The following SMYD4 variants were observed in gnomAD, a reference collection of about 807,000 sequenced individuals.
SMYD4 encodes the protein SET and MYND domain containing 4.
A neutral mutation model predicts 72.8 loss-of-function variants in SMYD4; 68 were observed. That is an observed-to-expected ratio of 0.93 (90% CI 0.77 to 1.14). SMYD4 has a LOEUF of 1.14. SMYD4 is among the 50% of genes most tolerant of loss of function. The pLI, the probability that SMYD4 is intolerant of heterozygous loss-of-function variation, is 0.00. For missense variants in SMYD4, 984 were observed against 1,003.7 expected, an observed-to-expected ratio of 0.98 and a Z score of 0.27; for synonymous variants, 407 against 388.6, an observed-to-expected ratio of 1.05 and a Z score of -0.56.
At chr17:1,802,925 G>A (rs181997706) in intron 4 of SMYD4, among the ~76,000 whole-genome samples, 101 of 152,296 alleles carry the variant, frequency 6.6e-4, no homozygotes, top group African/African-American at 2.2e-3. Context: ...AGGCTGAGGC[G>A]GGAGGATCAC....
At chr17:1,785,644 C>A (rs1358885692) in intron 7 of SMYD4, among the ~76,000 whole-genome samples, 1 of 151,894 alleles carries the variant, frequency 6.6e-6, no homozygotes, top group Admixed American at 6.6e-5. Context: ...CCTGTAATCC[C>A]AGCTACTGGG....
chr17:1,801,993 C>CA (rs1413254018), intron 4 of SMYD4, among the ~76,000 whole-genome samples: 2 of 151,520 alleles, frequency 1.3e-5, no homozygotes, highest in Admixed American at 6.6e-5. Flanking sequence ...AACAAACAAA[C>CA]AAAAAACCAA....
intron 3 of SMYD4, 130 bp downstream of exon 3, chr17:1,811,841 C>G: frequency 1.1e-6 from 1 of 921,516 alleles, no homozygotes. Context: ...GTGGGAGGAT[C>G]GCTTGAACCC....
At chr17:1,809,531 C>T (rs1285654910) in intron 3 of SMYD4, among the ~76,000 whole-genome samples, 36 of 141,812 alleles carry the variant, frequency 2.5e-4, no homozygotes, top group East Asian at 2.0e-3. Flanking sequence ...CCCGCCACCA[C>T]GCCCAGCTAA....
chr17:1,785,763 C>CAAAAAAAAAAAAAAAAAAAAAAA (rs1355052619), intron 7 of SMYD4, among the ~76,000 whole-genome samples: 1 of 42,094 alleles, frequency 2.4e-5, no homozygotes, highest in African/African-American at 1.1e-4. Flanking sequence ...GACCCCATCT[C>CAAAAAAAAAAAAAAAAAAAAAAA]AAAAAAAAAA....
chr17:1,819,743 C>T (rs915250356), intron 2 of SMYD4, among the ~76,000 whole-genome samples: 4 of 152,112 alleles, frequency 2.6e-5, no homozygotes, highest in Admixed American at 2.6e-4. Flanking sequence ...CCTTCTTTTA[C>T]TTGTTTCATG....
intron 2 of SMYD4, among the ~76,000 whole-genome samples, chr17:1,817,433 C>T (rs898804587): frequency 2.0e-5 from 3 of 152,072 alleles, no homozygotes; most frequent in African/African-American, 4.8e-5. Flanking sequence ...GACTGACCTC[C>T]CAGGCTCAAG....
chr17:1,817,490 C>T (rs141255320), intron 2 of SMYD4, among the ~76,000 whole-genome samples: 6 of 151,278 alleles, frequency 4.0e-5, no homozygotes, highest in Admixed American at 6.6e-5. Flanking sequence ...TCCAGGCATG[C>T]GCCACCATGC....
At position 1,815,214 on chromosome 17, in the gene SMYD4, C is replaced by G. The variant is rs145063745; in HGVS notation, c.135-3099G>C. On this transcript the variant is annotated intron_variant, in intron 2 of 10. Transcript: ENST00000305513. Reference sequence around the variant, plus strand: ...GAGCAGCTGGGATTACAGGTGCCCGCCACCACACCCAGCTAATTTTTGTAT... The same window carrying G: ...GAGCAGCTGGGATTACAGGTGCCCGGCACCACACCCAGCTAATTTTTGTAT... Among the ~76,000 whole-genome samples, 1,191 of 152,060 alleles carry G rather than the reference C, an allele frequency of 7.8e-3. 15 individuals carry two copies. The highest frequency in any genetic ancestry group is 0.027 in the African/African-American group (1,137 of 41,480).
intron 2 of SMYD4, chr17:1,814,474 G>A (rs1371060824): frequency 1.3e-5 from 2 of 152,140 alleles, no homozygotes; most frequent in East Asian, 3.9e-4. Context: ...TTGCTATGAG[G>A]TAAAAACAAA....
chr17:1,784,515 G>T, intron 7 of SMYD4, 54 bp from the exon 8 acceptor site: 1 of 1,607,760 alleles, frequency 6.2e-7, no homozygotes. Context: ...TATCAACACC[G>T]CCTGTGCTTA....
At position 1,794,087 on chromosome 17, in the gene SMYD4, A is replaced by G. The variant is rs1323851988; in HGVS notation, c.1537+5770T>C. Among the ~76,000 whole-genome samples, 114 of 21,098 alleles carry G rather than the reference A, an allele frequency of 5.4e-3. 11 individuals carry two copies. Among genetic ancestry groups the G allele is most frequent in the African/African-American group, 0.017 (94 of 5,522 alleles). The allele number at this position is 21,098 out of a possible 152,430, so 13.8% of individuals were successfully genotyped here. ...TATATGTGTATATATATGTGTATAT[A>G]TATATATATATATATATATTTTTTT... On this transcript the variant is annotated intron_variant, in intron 5 of 10. Coordinates refer to ENST00000305513, the MANE Select transcript of SMYD4 (RefSeq NM_052928.3).
intron 5 of SMYD4, among the ~76,000 whole-genome samples, chr17:1,787,928 T>G (rs898661372): frequency 1.3e-5 from 2 of 152,234 alleles, no homozygotes; most frequent in Admixed American, 1.3e-4. Context: ...CTAGATAGTT[T>G]CATAATGTTC....
intron 4 of SMYD4, among the ~76,000 whole-genome samples, chr17:1,802,639 C>G (rs1390856775): frequency 6.6e-6 from 1 of 152,200 alleles, no homozygotes; most frequent in Non-Finnish European, 1.5e-5. Context: ...TAGATTCCTG[C>G]TTTTCTCTTT....
At chr17:1,827,020 G>A (rs1451327134) in intron 2 of SMYD4, among the ~76,000 whole-genome samples, 1 of 152,078 alleles carries the variant, frequency 6.6e-6, no homozygotes, top group Non-Finnish European at 1.5e-5. Context: ...GGGCATGATG[G>A]TGTACGCCTG....
chr17:1,800,368 G>A lies in SMYD4; in HGVS notation c.1026C>T (p.Leu342=). Residue 342 remains leucine, a synonymous_variant, in exon 5 of 11, where the codon CTC becomes CTT. Transcript: ENST00000305513. ...RTECPLGGLL[L]TLGVFCHIAL... ...CAATGTGGCAAAAGACACCCAGTGT[G>A]AGAAGCAGCCCTCCCAGAGGACATT... The A allele has an allele frequency of 6.2e-7, 1 of 1,614,202 alleles. No individual in the cohort carries two copies. The highest frequency in any genetic ancestry group is 1.1e-5 in the South Asian group (1 of 91,082).
In SMYD4 at chr17:1,811,961, A is replaced by G. The variant is rs1023784264; in HGVS notation, c.279+10T>C. On this transcript the variant is annotated intron_variant, in intron 3 of 10. Coordinates refer to ENST00000305513, the MANE Select transcript of SMYD4 (RefSeq NM_052928.3). ...TAAATAATAAATTGCTTGAGCTGGG[A>G]GTGTTTTACCTTAGAGTACAGCACT... 17 of 1,607,792 alleles carry G rather than the reference A, an allele frequency of 1.1e-5. No individual in the cohort carries two copies. In the African/African-American group the frequency reaches 1.9e-4, roughly 18 times the overall value.
Position 1,780,108 on chromosome 17 carries a change from A to G in SMYD4, c.*1178T>C, listed in dbSNP as rs1908289024. On this transcript the variant is annotated 3_prime_UTR_variant, in exon 11 of 11. Transcript: ENST00000305513. ...ACTATTTCAAAAAATATTCACCAAA[A>G]TAGGTGTCTCTCTGACTGCAACGGT... 6.6e-6 allele frequency: 1 copy of G among 152,202 alleles called. No homozygotes were observed. Among genetic ancestry groups the G allele is most frequent in the South Asian group, 2.1e-4 (1 of 4,828 alleles). The allele number at this position is 152,202 out of a possible 1,614,324, so 9.4% of individuals were successfully genotyped here.
At chr17:1,801,747 C>T (rs1381144386) in intron 4 of SMYD4, among the ~76,000 whole-genome samples, 8 of 150,406 alleles carry the variant, frequency 5.3e-5, no homozygotes, top group African/African-American at 1.2e-4. Context: ...GAGGCCGAGG[C>T]GAGCAGATCA....
Sources: gnomAD v4.1 joint callset for allele counts (sites outside exome capture counted in the v4.1 genomes callset) on GRCh38, gnomAD v4.1.1 for gene constraint, MANE v1.5 for transcripts, NCBI Gene and HGNC (gene_info 2026-07-23, HGNC 2026-07-21) for gene names.